The following NFASC variants were observed in gnomAD, a reference collection of about 807,000 sequenced individuals.
NFASC encodes the protein neurofascin, also known as neurofascin homolog.
NFASC carries 43 observed loss-of-function variants against 147.5 expected under a neutral mutation model. The observed-to-expected ratio is 0.29, with a 90% CI of 0.23 to 0.38. The LOEUF (loss-of-function observed/expected upper bound fraction) is 0.38. Among genes scored for constraint, NFASC ranks in the 10% least tolerant of loss-of-function variants. The pLI, the probability that NFASC is intolerant of heterozygous loss-of-function variation, is 1.00. For synonymous variants in NFASC, 622 were observed against 665.5 expected, an observed-to-expected ratio of 0.93 and a Z score of 1.01; for missense variants, 1,320 against 1,689.0, an observed-to-expected ratio of 0.78 and a Z score of 3.83.
chr1:204,964,260 G>T (rs2094831748), intron 8 of NFASC, among the ~76,000 whole-genome samples: 1 of 152,204 alleles, frequency 6.6e-6, no homozygotes, highest in African/African-American at 2.4e-5. Flanking sequence ...ATGTGCTTAT[G>T]GTTCCTAGTA....
At chr1:204,835,583 A>G (rs1286298892) in intron 1 of NFASC, among the ~76,000 whole-genome samples, 1 of 152,068 alleles carries the variant, frequency 6.6e-6, no homozygotes, top group African/African-American at 2.4e-5. Context: ...ACTGGAGAAA[A>G]ATCATGTGCA....
intron 1 of NFASC, among the ~76,000 whole-genome samples, chr1:204,854,127 C>CTAT (rs2075945497): frequency 6.6e-6 from 1 of 151,716 alleles, no homozygotes; most frequent in Non-Finnish European, 1.5e-5. Context: ...TTCATAGACT[C>CTAT]TCAGCAAGAG....
chr1:204,937,192 G>A (rs1194778180), intron 2 of NFASC, among the ~76,000 whole-genome samples: 2 of 151,368 alleles, frequency 1.3e-5, no homozygotes, highest in East Asian at 1.9e-4. Flanking sequence ...TAGGTTCAAG[G>A]TACAGAGAGT....
At chr1:204,983,921 A>T (rs889703386) in intron 21 of NFASC, 22 of 708,142 alleles carry the variant, frequency 3.1e-5, no homozygotes, top group Non-Finnish European at 4.8e-5. Flanking sequence ...CCCTCATGGA[A>T]TGCCCAGTGT....
At chr1:204,883,762 A>T (rs2080771364) in intron 1 of NFASC, among the ~76,000 whole-genome samples, 1 of 152,194 alleles carries the variant, frequency 6.6e-6, no homozygotes, top group African/African-American at 2.4e-5. Flanking sequence ...TGGGATTGGC[A>T]GGGCAGCTTC....
intron 7 of NFASC, among the ~76,000 whole-genome samples, chr1:204,957,312 G>A (rs907048467): frequency 2.0e-5 from 3 of 152,212 alleles, no homozygotes; most frequent in Non-Finnish European, 4.4e-5. Context: ...GTACCTGAAG[G>A]TTTGTGTTCC....
At chr1:204,997,679 T>C in intron 25 of NFASC, 1 of 549,888 alleles carries the variant, frequency 1.8e-6, no homozygotes, top group Non-Finnish European at 3.3e-6. Context: ...CAGATCCCTG[T>C]TCCTTAACAG....
chr1:204,923,195 G>A (rs1159194320), intron 2 of NFASC, among the ~76,000 whole-genome samples: 1 of 152,216 alleles, frequency 6.6e-6, no homozygotes, highest in African/African-American at 2.4e-5. Context: ...CTGAGCAAGT[G>A]TTCCCCGGGG....
intron 21 of NFASC, among the ~76,000 whole-genome samples, chr1:204,985,549 A>G (rs549143326): frequency 4.3e-4 from 65 of 152,124 alleles, no homozygotes; most frequent in Admixed American, 9.2e-4. Flanking sequence ...CCCTTGGCTC[A>G]CTATTTTTGG....
rs146586971 is a variant in NFASC at position 204,966,282 on chromosome 1, G to A, written c.707-1967G>A. On this transcript the variant is annotated intron_variant, in intron 8 of 29. Transcript: ENST00000339876. ...TCATTATTGCTTTGCTGGGTTGTGC[G>A]TGCTGGTGGTGTCGCGCGTTATGGT... Among the ~76,000 whole-genome samples, 390 of 152,204 alleles carry A rather than the reference G, an allele frequency of 2.6e-3. 2 individuals carry two copies. The highest frequency in any genetic ancestry group is 4.3e-3 in the Non-Finnish European group (292 of 68,022).
At chr1:204,863,851 A>G (rs2076886386) in intron 1 of NFASC, among the ~76,000 whole-genome samples, 1 of 150,886 alleles carries the variant, frequency 6.6e-6, no homozygotes, top group Admixed American at 6.6e-5. Context: ...CTGTCTCAAA[A>G]AAAAAAAAAA....
intron 28 of NFASC, 164 bp downstream of exon 28, chr1:205,009,852 C>A: frequency 1.3e-6 from 1 of 758,414 alleles, no homozygotes; most frequent in Non-Finnish European, 2.1e-6. Context: ...AGACTGCCAG[C>A]GAGCACTTGA....
chr1:204,988,929 GC>G, intron 23 of NFASC, 123 bp downstream of exon 23: 1 of 893,664 alleles, frequency 1.1e-6, no homozygotes, highest in Non-Finnish European at 1.8e-6. Context: ...AAGTCCTCAA[GC>G]CCTCGGAAGG....
Position 204,997,375 on chromosome 1 carries a change from C to T in NFASC, c.2988C>T (p.Thr996=), listed in dbSNP as rs2095868031. ...AATTTTESPP[T]TTSGTKIHES... is the part of the protein sequence containing the mutation. ...CCACCACCACGGAGAGTCCTCCCAC[C>T]ACCACCTCCGGGACTAAGATACACG... Residue 996 remains threonine, a synonymous_variant, in exon 25 of 30, where the codon ACC becomes ACT. Transcript: ENST00000339876. 1 of 1,553,540 alleles carries T rather than the reference C, an allele frequency of 6.4e-7. No homozygotes were observed. Among genetic ancestry groups the T allele is most frequent in the Non-Finnish European group, 8.7e-7 (1 of 1,147,892 alleles).
chr1:204,976,638 C>G (rs768707993), intron 15 of NFASC, 33 bp from the exon 16 acceptor site: 19 of 1,555,444 alleles, frequency 1.2e-5, no homozygotes, highest in Admixed American at 5.1e-5. Flanking sequence ...TCCCCTACCC[C>G]CTCCTCCCAA....
chr1:204,974,485 G>C lies in NFASC; in HGVS notation c.1392-172G>C, dbSNP rs144619576. On this transcript the variant is annotated intron_variant, in intron 13 of 29. Transcript: ENST00000339876. ...AACCAAGACCTTGAGAGGGATGGAGGCTTGCCAGGGCCACCTGGTGGCTAG... is the reference window on the plus strand; with the variant it reads ...AACCAAGACCTTGAGAGGGATGGAGCCTTGCCAGGGCCACCTGGTGGCTAG... 9.9e-3 allele frequency: 8,683 copies of C among 878,484 alleles called. 70 individuals are homozygous for C. The highest frequency in any genetic ancestry group is 0.012 in the Non-Finnish European group (6,729 of 539,216). The allele number at this position is 878,484 out of a possible 1,614,324, so 54.4% of individuals were successfully genotyped here. A position where few individuals can be genotyped will look rare whatever the true frequency, so the allele number is the denominator to read the frequency against.
intron 2 of NFASC, among the ~76,000 whole-genome samples, chr1:204,929,689 C>G (rs2092150873): frequency 1.3e-5 from 2 of 152,020 alleles, no homozygotes; most frequent in Non-Finnish European, 2.9e-5. Context: ...GCAGGTGCTC[C>G]CTGGGGAATG....
At chr1:204,942,280 A>T (rs975253639) in intron 2 of NFASC, among the ~76,000 whole-genome samples, 1 of 152,238 alleles carries the variant, frequency 6.6e-6, no homozygotes, top group Non-Finnish European at 1.5e-5. Context: ...GAGGGCAGAC[A>T]CAGAGTGTTC....
intron 1 of NFASC, among the ~76,000 whole-genome samples, chr1:204,906,809 G>T (rs1056739549): frequency 1.3e-4 from 20 of 151,316 alleles, no homozygotes; most frequent in African/African-American, 4.9e-4. Context: ...CAGCCTCCCC[G>T]AGTAGCTGGG....
Sources: gnomAD v4.1 joint callset for allele counts (sites outside exome capture counted in the v4.1 genomes callset) on GRCh38, gnomAD v4.1.1 for gene constraint, MANE v1.5 for transcripts, NCBI Gene and HGNC (gene_info 2026-07-23, HGNC 2026-07-21) for gene names.